Variants in ANKRD28 observed in about 807,000 individuals in gnomAD.
The protein encoded by ANKRD28 is serine/threonine-protein phosphatase 6 regulatory ankyrin repeat subunit A.
A neutral mutation model predicts 126.5 loss-of-function variants in ANKRD28; 44 were observed. The ratio of observed to expected loss-of-function variants is 0.35; its 90% CI spans 0.27 to 0.45. ANKRD28 has a LOEUF of 0.45. Ranked by LOEUF, ANKRD28 falls within the 20% of genes least tolerant of loss-of-function variation. The pLI, the probability that ANKRD28 is intolerant of heterozygous loss-of-function variation, is 1.00. For missense variants in ANKRD28, 1,110 were observed against 1,316.6 expected, an observed-to-expected ratio of 0.84 and a Z score of 2.43; for synonymous variants, 442 against 468.5, an observed-to-expected ratio of 0.94 and a Z score of 0.73.
intron 4 of ANKRD28, 117 bp from the exon 5 acceptor site, chr3:15,737,350 AGCTCTCAT>A: frequency 1.1e-6 from 1 of 881,486 alleles, no homozygotes; most frequent in Non-Finnish European, 1.7e-6. Flanking sequence ...AAAATAAAAA[AGCTCTCAT>A]AGAACTCACT....
intron 1 of ANKRD28, among the ~76,000 whole-genome samples, chr3:15,828,314 A>G (rs2061113983): frequency 6.6e-6 from 1 of 152,142 alleles, no homozygotes; most frequent in African/African-American, 2.4e-5. Flanking sequence ...AGAAACATGA[A>G]GTTAGGGCTG....
At chr3:15,850,204 A>AAAATATATAT (rs1486394619) in intron 1 of ANKRD28, among the ~76,000 whole-genome samples, 21 of 54,804 alleles carry the variant, frequency 3.8e-4, no homozygotes, top group South Asian at 1.3e-3. Context: ...AAAAAAAAAA[A>AAAATATATAT]ATATATATAT....
chr3:15,818,132 C>T (rs912806129), intron 1 of ANKRD28, among the ~76,000 whole-genome samples: 7 of 152,106 alleles, frequency 4.6e-5, no homozygotes, highest in Non-Finnish European at 7.4e-5. Context: ...GATACAGGAG[C>T]TCCCCCGTTA....
intron 14 of ANKRD28, among the ~76,000 whole-genome samples, chr3:15,697,980 A>C (rs899226591): frequency 6.6e-6 from 1 of 151,978 alleles, no homozygotes; most frequent in Admixed American, 6.6e-5. Context: ...TATGTCCAAG[A>C]ATTTATCCCT....
At chr3:15,851,209 A>G (rs2061644034) in intron 1 of ANKRD28, among the ~76,000 whole-genome samples, 1 of 152,170 alleles carries the variant, frequency 6.6e-6, no homozygotes, top group South Asian at 2.1e-4. Context: ...AAAGATGCTC[A>G]ACATCATTAG....
chr3:15,819,259 T>C (rs971872520), intron 1 of ANKRD28, among the ~76,000 whole-genome samples: 3 of 152,134 alleles, frequency 2.0e-5, no homozygotes, highest in East Asian at 1.9e-4. Flanking sequence ...AACTGGGCAA[T>C]AGAGCAAGAC....
At chr3:15,850,707 C>T in intron 1 of ANKRD28, among the ~76,000 whole-genome samples, 1 of 152,222 alleles carries the variant, frequency 6.6e-6, no homozygotes, top group Non-Finnish European at 1.5e-5. Flanking sequence ...TGCCATACTT[C>T]ACCCTATGTA....
chr3:15,701,273 C>G (rs2070560820), intron 14 of ANKRD28, among the ~76,000 whole-genome samples: 1 of 152,108 alleles, frequency 6.6e-6, no homozygotes, highest in Admixed American at 6.6e-5. Context: ...TCTTCAATGG[C>G]AGCAAATATT....
chr3:15,677,088 T>C lies in ANKRD28; in HGVS notation c.2791-32A>G. On this transcript the variant is annotated intron_variant, in intron 25 of 27. Transcript: ENST00000683139. ...TTGTGGCAGATAAGTTATAAAAACT[T>C]GAGCACCATTAAAGATACATTTATA... The C allele has an allele frequency of 1.9e-6, 3 of 1,560,634 alleles. No homozygotes were observed. In the South Asian group the frequency reaches 3.3e-5, roughly 17 times the overall value.
intron 3 of ANKRD28, among the ~76,000 whole-genome samples, chr3:15,756,970 T>A (rs1203109526): frequency 6.6e-6 from 1 of 152,172 alleles, no homozygotes; most frequent in African/African-American, 2.4e-5. Flanking sequence ...TCAAACTGCA[T>A]GAGTCCACTT....
At position 15,822,449 on chromosome 3, in the gene ANKRD28, C is replaced by T. The variant is rs547797937; in HGVS notation, c.28-27143G>A. The stretch of plus-strand genomic sequence containing the variant: ...TTTAAAAGACTCATTAAACAACCAC[C>T]AGAACAAGCAGCAATAACAATCCCC... On this transcript the variant is annotated intron_variant, in intron 1 of 27. Coordinates refer to the ANKRD28 transcript ENST00000399451. 2.6e-5 allele frequency among the ~76,000 whole-genome samples: 4 copies of T among 152,280 alleles called. No individual in the cohort carries two copies. The South Asian group carries it at 8.3e-4, about 32-fold the overall frequency.
intron 4 of ANKRD28, among the ~76,000 whole-genome samples, chr3:15,743,545 A>AACACACACACACAC (rs4036221): frequency 3.3e-4 from 46 of 140,484 alleles, no homozygotes; most frequent in South Asian, 9.3e-4. Flanking sequence ...GTGGCTTTTT[A>AACACACACACACAC]ACACACACAC....
Position 15,696,199 on chromosome 3 carries a change from C to T in ANKRD28, c.1594G>A (p.Asp532Asn), listed in dbSNP as rs1246994579. Residue 532 changes from aspartate to asparagine, a missense_variant, in exon 15 of 28, where the codon GAT becomes AAT. By Grantham distance (23) the Asp-to-Asn change is conservative. Transcript: ENST00000683139. ...LRNDANPGIRDKQGYNAVHYS... is the reference protein window; with the variant it reads ...LRNDANPGIRNKQGYNAVHYS... ...TGAACTGCGTTGTATCCTTGCTTAT[C>T]ACGGATCCCTGGATTTGCATCGTTT... is the stretch of plus-strand genomic sequence containing the variant. 6.3e-7 allele frequency: 1 copy of T among 1,593,060 alleles called. No individual in the cohort carries two copies. The highest frequency in any genetic ancestry group is 1.1e-5 in the South Asian group (1 of 87,934).
intron 2 of ANKRD28, among the ~76,000 whole-genome samples, chr3:15,789,386 C>T (rs1018375812): frequency 6.6e-6 from 1 of 151,740 alleles, no homozygotes; most frequent in African/African-American, 2.4e-5. Context: ...CCAATGGAAC[C>T]TTAGGAAGGA....
At chr3:15,677,645 T>C (rs933070477) in intron 24 of ANKRD28, 83 bp from the exon 25 acceptor site, 2 of 1,048,220 alleles carry the variant, frequency 1.9e-6, no homozygotes, top group Admixed American at 2.5e-5. Flanking sequence ...GAAATGAAGA[T>C]ACAAAGCAAA....
At chr3:15,705,044 C>T (rs1377597205) in intron 14 of ANKRD28, among the ~76,000 whole-genome samples, 1 of 152,150 alleles carries the variant, frequency 6.6e-6, no homozygotes, top group Admixed American at 6.6e-5. Flanking sequence ...TGCTCATACT[C>T]AAATGGGTAC....
chr3:15,766,496 C>A (rs77452552), intron 2 of ANKRD28, among the ~76,000 whole-genome samples, 184 bp from the exon 3 acceptor site: 2,303 of 152,088 alleles, frequency 0.015, 29 homozygotes, highest in Non-Finnish European at 0.026. Context: ...CAAGCCCGGG[C>A]AACACAGCAA....
In ANKRD28 at chr3:15,814,198, G is replaced by C. The variant is rs1575756963; in HGVS notation, c.28-18892C>G. On this transcript the variant is annotated intron_variant, in intron 1 of 27. Transcript: ENST00000399451. This position sits in a 1 kb window ranked among gnomAD's most constrained non-coding sequence, Gnocchi z 4.7. ...AGCAACAAACTAACAAATTACAAGA[G>C]CTGCCTATATTACTGCAAGAGACTA... The C allele has an allele frequency of 9.3e-7, 1 of 1,070,286 alleles. No individual in the cohort carries two copies. The highest frequency in any genetic ancestry group is 7.2e-5 in the East Asian group (1 of 13,904). 66.3% of individuals were successfully genotyped at this position (1,070,286 alleles called of 1,614,324 possible).
At chr3:15,753,560 T>C (rs1223211496) in intron 3 of ANKRD28, among the ~76,000 whole-genome samples, 1 of 152,210 alleles carries the variant, frequency 6.6e-6, no homozygotes, top group Non-Finnish European at 1.5e-5. Context: ...CACAGACACC[T>C]AGTACAGACA....
Sources: gnomAD v4.1 joint callset for allele counts (sites outside exome capture counted in the v4.1 genomes callset) on GRCh38, gnomAD v4.1.1 for gene constraint, Gnocchi (gnomAD v3.1) non-coding constraint, MANE v1.5 for transcripts, NCBI Gene and HGNC (gene_info 2026-07-23, HGNC 2026-07-21) for gene names.